UNC13B: variants seen among roughly 807,000 people sequenced by gnomAD.
UNC13B encodes the protein unc-13 homolog B.
A neutral mutation model predicts 211.0 loss-of-function variants in UNC13B; 144 were observed. That is an observed-to-expected ratio of 0.68 (90% CI 0.60 to 0.78). The LOEUF (loss-of-function observed/expected upper bound fraction) is 0.78. Ranked by LOEUF, UNC13B falls within the 30% of genes least tolerant of loss-of-function variation. The pLI is 0.00. For missense variants in UNC13B, 1,777 were observed against 2,002.0 expected (o/e 0.89, Z 2.14); for synonymous variants, 709 against 725.8 (o/e 0.98, Z 0.37).
intron 11 of UNC13B, chr9:35,352,758 A>T (rs1777834735): frequency 2.6e-5 from 32 of 1,232,072 alleles, no homozygotes; most frequent in Non-Finnish European, 3.1e-5. Context: ...AGCTGTGATG[A>T]ACTGTCAGAG....
In UNC13B at chr9:35,301,614, C is replaced by CCCT. The variant is rs1204749130; in HGVS notation, c.2210_2211insCCT (p.Pro737_Ser738insLeu). The CCCT allele has an allele frequency of 2.5e-6, 1 of 398,714 alleles. No individual in the cohort carries two copies. The highest frequency in any genetic ancestry group is 2.1e-5 in the African/African-American group (1 of 48,602). 24.7% of individuals were successfully genotyped at this position (398,714 alleles called of 1,614,324 possible). A position where few individuals can be genotyped will look rare whatever the true frequency, so the allele number is the denominator to read the frequency against. On this transcript the variant is annotated inframe_insertion, in exon 9 of 40. Coordinates refer to ENST00000635942, the MANE Select transcript of UNC13B (RefSeq NM_001371189.2). ...TTGTCCTCCCAAGTAACCAGTGAACCTTCAAACTTAGTTAGTTCTGCAAGT... is the reference window on the plus strand; with the variant it reads ...TTGTCCTCCCAAGTAACCAGTGAACCCCTTTCAAACTTAGTTAGTTCTGCAAGT...
At chr9:35,227,939 T>C (rs1824949297) in intron 1 of UNC13B, 76 bp from the exon 2 acceptor site, 3 of 1,248,434 alleles carry the variant, frequency 2.4e-6, no homozygotes, top group Non-Finnish European at 3.5e-6. Flanking sequence ...CATTGGTATG[T>C]AGTGCCTAAT....
chr9:35,214,816 A>C (rs565003963), intron 1 of UNC13B, among the ~76,000 whole-genome samples: 1 of 152,254 alleles, frequency 6.6e-6, no homozygotes, highest in South Asian at 2.1e-4. Context: ...AGAAATTACT[A>C]TCTAGAATTT....
chr9:35,280,143 A>G (rs540417329), intron 7 of UNC13B, among the ~76,000 whole-genome samples: 2 of 152,310 alleles, frequency 1.3e-5, no homozygotes, highest in African/African-American at 4.8e-5. Flanking sequence ...TAGAGAGGAA[A>G]GTGCTGAGGT....
At position 35,377,501 on chromosome 9, in the gene UNC13B, A is replaced by G. The variant is rs1834502099; in HGVS notation, c.9869A>G (p.Glu3290Gly). 6.2e-7 allele frequency: 1 copy of G among 1,614,132 alleles called. No individual in the cohort carries two copies. Among genetic ancestry groups the G allele is most frequent in the Non-Finnish European group, 8.5e-7 (1 of 1,180,056 alleles). ...GAAAAGAGCTGTAAACATGGAGCTG[A>G]GGACCGGACCCAGAACATTATCATG... ...AAEKSCKHGA[E>G]DRTQNIIMAM... The change falls in exon 16 of 40, where the codon GAG becomes GGG. Residue 3290 changes from glutamate (E) to glycine (G), a missense_variant. By Grantham distance (98) the Glu-to-Gly change is moderately conservative (BLOSUM62 -2). Coordinates refer to ENST00000635942, the MANE Select transcript of UNC13B (RefSeq NM_001371189.2).
In UNC13B at chr9:35,237,730, G is replaced by C. The variant is rs1825590206; in HGVS notation, c.298G>C (p.Glu100Gln). The C allele has an allele frequency of 2.5e-6, 4 of 1,613,882 alleles. No individual in the cohort carries two copies. Among genetic ancestry groups the C allele is most frequent in the Middle Eastern group, 1.7e-4 (1 of 6,060 alleles). ...EEGPGEWSTLEAETLMKDDEI... is the reference protein window; with the variant it reads ...EEGPGEWSTLQAETLMKDDEI... ...AGGGCCTGGGGAATGGTCCACATTA[G>C]AGGCAGAGACGTTAATGAAAGACGA... The change falls in exon 5 of 40, where the codon GAG (glutamate) becomes CAG (glutamine). Residue 100 changes from glutamate to glutamine, a missense_variant. By Grantham distance (29) the Glu-to-Gln change is conservative. Transcript: ENST00000635942.
At chr9:35,256,550 TG>T (rs532335372) in intron 6 of UNC13B, among the ~76,000 whole-genome samples, 2 of 151,942 alleles carry the variant, frequency 1.3e-5, no homozygotes, top group South Asian at 4.1e-4. Context: ...TGAAAAAGTA[TG>T]GGGTTTTATC....
intron 1 of UNC13B, among the ~76,000 whole-genome samples, chr9:35,164,339 A>G (rs1820926466): frequency 6.6e-6 from 1 of 152,244 alleles, no homozygotes; most frequent in Admixed American, 6.5e-5. Flanking sequence ...TTCTAAAATG[A>G]CATTCCTTGC....
At chr9:35,275,500 C>A (rs1482598330) in intron 7 of UNC13B, among the ~76,000 whole-genome samples, 1 of 152,150 alleles carries the variant, frequency 6.6e-6, no homozygotes, top group Non-Finnish European at 1.5e-5. Flanking sequence ...TCTTGTGAAT[C>A]ATTCAAGAGG....
chr9:35,325,007 C>G (rs1564137057), intron 11 of UNC13B, among the ~76,000 whole-genome samples: 1 of 152,170 alleles, frequency 6.6e-6, no homozygotes, highest in African/African-American at 2.4e-5. Context: ...TGTTCCCATG[C>G]TTCCCAAATC....
In UNC13B at chr9:35,396,631, G is replaced by T. The variant is rs368866442; in HGVS notation, c.11435+29G>T. On this transcript the variant is annotated intron_variant, in intron 27 of 39. Transcript: ENST00000635942. ...AGTCATCATGTGGGCACTACAGAGG[G>T]AAGGGAGCCCTCTGGGTGGGCAGGG... is the stretch of plus-strand genomic sequence containing the variant. 9.7e-5 allele frequency: 156 copies of T among 1,612,752 alleles called. 1 individual carries two copies. Among genetic ancestry groups the T allele is most frequent in the Non-Finnish European group, 1.2e-4 (146 of 1,179,658 alleles).
At chr9:35,377,252 G>C (rs1030582596) in intron 15 of UNC13B, among the ~76,000 whole-genome samples, 5 of 152,252 alleles carry the variant, frequency 3.3e-5, no homozygotes, top group Admixed American at 1.3e-4. Context: ...GCTCTGAAAA[G>C]ACTGCCTGAA....
At chr9:35,167,883 G>T (rs953545138) in intron 1 of UNC13B, among the ~76,000 whole-genome samples, 2 of 151,314 alleles carry the variant, frequency 1.3e-5, no homozygotes, top group African/African-American at 4.9e-5. Context: ...GATTACAGGC[G>T]TGAGCCACCA....
In UNC13B at chr9:35,300,884, A is replaced by G. The variant is rs1020463418; in HGVS notation, c.1480A>G (p.Lys494Glu). ...GSLSKTKKSH[K>E]QNSTLDAEQR... ...ACTTTCAAAAACTAAAAAATCACAT[A>G]AACAAAATAGTACTCTTGATGCAGA... The change falls in exon 9 of 40, where the codon AAA (lysine) becomes GAA (glutamate). Residue 494 changes from lysine to glutamate, a missense_variant. Transcript: ENST00000635942. 1.5e-5 allele frequency: 6 copies of G among 398,978 alleles called. No individual in the cohort carries two copies. Among genetic ancestry groups the G allele is most frequent in the East Asian group, 3.6e-5 (1 of 28,072 alleles). The allele number at this position is 398,978 out of a possible 1,614,324, so 24.7% of individuals were successfully genotyped here. A position where few individuals can be genotyped will look rare whatever the true frequency, so the allele number is the denominator to read the frequency against.
intron 1 of UNC13B, among the ~76,000 whole-genome samples, chr9:35,200,005 A>G (rs1823186298): frequency 6.6e-6 from 1 of 152,172 alleles, no homozygotes; most frequent in Non-Finnish European, 1.5e-5. Flanking sequence ...TCCATCTCGA[A>G]TTAATTTTTG....
At position 35,226,840 on chromosome 9, in the gene UNC13B, T is replaced by TG. The variant is rs1404138422; in HGVS notation, c.23-1175_23-1174insG. On this transcript the variant is annotated intron_variant, in intron 1 of 39. Coordinates refer to ENST00000635942, the MANE Select transcript of UNC13B (RefSeq NM_001371189.2). ...ACATTAATCTCCTTTGGCAACACCC[T>TG]TACAGACACAGCCAGGAACAATACT... is the stretch of plus-strand genomic sequence containing the variant. Among the ~76,000 whole-genome samples the TG allele has an allele frequency of 8.5e-3, 1,298 of 152,310 alleles. 12 individuals are homozygous for TG. Among genetic ancestry groups the TG allele is most frequent in the African/African-American group, 0.03 (1,228 of 41,568 alleles).
chr9:35,325,440 T>G (rs138225574), intron 11 of UNC13B, among the ~76,000 whole-genome samples: 2,347 of 152,328 alleles, frequency 0.015, 37 homozygotes, highest in Non-Finnish European at 0.023. Flanking sequence ...CCTTTTACTA[T>G]TCTAAGTGAC....
intron 11 of UNC13B, chr9:35,353,880 C>CCA (rs1832871184): frequency 9.7e-7 from 1 of 1,029,860 alleles, no homozygotes; most frequent in African/African-American, 1.7e-5. Context: ...CAGCATGAGA[C>CCA]CTGGTGTGGT....
chr9:35,380,540 G>A lies in UNC13B; in HGVS notation c.10276G>A (p.Val3426Ile), dbSNP rs1275737157. ...WDEDDDIKSRVKQRLKRESDD... is the reference protein window; with the variant it reads ...WDEDDDIKSRIKQRLKRESDD... ...TGAGGATGATGACATCAAGTCAAGAGTAAAGCAACGCCTAAAGCGAGAGTC... is the reference window on the plus strand; with the variant it reads ...TGAGGATGATGACATCAAGTCAAGAATAAAGCAACGCCTAAAGCGAGAGTC... Residue 3426 changes from valine (V) to isoleucine (I), a missense_variant, in exon 18 of 40, where the codon GTA becomes ATA. Physicochemically the swap from Val to Ile is conservative, Grantham distance 29. Coordinates refer to ENST00000635942, the MANE Select transcript of UNC13B (RefSeq NM_001371189.2). 2.5e-6 allele frequency: 4 copies of A among 1,614,232 alleles called. No homozygotes were observed. Among genetic ancestry groups the A allele is most frequent in the Non-Finnish European group, 3.4e-6 (4 of 1,180,038 alleles).
Sources: gnomAD v4.1 joint callset for allele counts (sites outside exome capture counted in the v4.1 genomes callset) on GRCh38, gnomAD v4.1.1 for gene constraint, MANE v1.5 for transcripts, NCBI Gene and HGNC (gene_info 2026-07-23, HGNC 2026-07-21) for gene names.